The following SORBS2 variants were observed in gnomAD, a reference collection of about 807,000 sequenced individuals.
The protein encoded by SORBS2 is sorbin and SH3 domain containing 2.
Under a neutral mutation model 97.7 loss-of-function variants are expected in SORBS2, and 46 were observed. The ratio of observed to expected loss-of-function variants is 0.47; its 90% CI spans 0.37 to 0.60. The LOEUF is 0.60. Ranked by LOEUF, SORBS2 falls within the 20% of genes least tolerant of loss-of-function variation. The pLI is 0.00. For synonymous variants in SORBS2, 476 were observed against 473.4 expected (o/e 1.01, Z -0.07); for missense variants, 1,316 against 1,282.3 (o/e 1.03, Z -0.40).
intron 2 of SORBS2, among the ~76,000 whole-genome samples, chr4:185,714,432 T>C (rs1286442863): frequency 6.2e-5 from 8 of 128,596 alleles, no homozygotes; most frequent in Non-Finnish European, 1.2e-4. Flanking sequence ...TTTATATAAC[T>C]TCACTTAAAT....
intron 2 of SORBS2, among the ~76,000 whole-genome samples, chr4:185,727,992 G>C (rs151208903): frequency 2.2e-3 from 336 of 152,198 alleles, no homozygotes; most frequent in Non-Finnish European, 3.6e-3. Context: ...ACTATACATG[G>C]TCAATTTCTT....
chr4:185,932,046 ATATT>A (rs1049638017), intron 1 of SORBS2, among the ~76,000 whole-genome samples: 4 of 151,750 alleles, frequency 2.6e-5, no homozygotes, highest in Non-Finnish European at 4.4e-5. Flanking sequence ...ATACAGATAT[ATATT>A]TAGTGTGTGT....
At chr4:185,950,658 C>T (rs1207514734) in intron 1 of SORBS2, among the ~76,000 whole-genome samples, 1 of 152,202 alleles carries the variant, frequency 6.6e-6, no homozygotes, top group Non-Finnish European at 1.5e-5. Context: ...AGCCTTAACA[C>T]AAGACCAGGC....
intron 1 of SORBS2, among the ~76,000 whole-genome samples, chr4:185,838,234 C>CG (rs1466712081): frequency 6.6e-6 from 1 of 152,248 alleles, no homozygotes; most frequent in African/African-American, 2.4e-5. Flanking sequence ...CCCAGCTTCC[C>CG]GGCTGCAGTG....
In SORBS2 at chr4:185,900,054, T is replaced by C. The variant is rs902033381; in HGVS notation, c.-338+56142A>G. On this transcript the variant is annotated intron_variant, in intron 1 of 20. Coordinates refer to the SORBS2 transcript ENST00000284776. ...GATCTCTGAGCCCAGGAGTTTCAGA[T>C]TGTCGTGTGCTATGATCACACCTGT... Among the ~76,000 whole-genome samples the C allele has an allele frequency of 2.6e-5, 4 of 152,132 alleles. No homozygotes were observed. In the East Asian group the frequency reaches 5.8e-4, roughly 22 times the overall value.
chr4:185,839,219 A>G (rs1370720493), intron 1 of SORBS2, among the ~76,000 whole-genome samples: 2 of 152,238 alleles, frequency 1.3e-5, no homozygotes, highest in Non-Finnish European at 2.9e-5. Flanking sequence ...CAAATGGCAA[A>G]CACTCGGGGT....
chr4:185,669,324 G>A (rs979948637), intron 4 of SORBS2, among the ~76,000 whole-genome samples: 3 of 152,204 alleles, frequency 2.0e-5, no homozygotes, highest in Admixed American at 6.5e-5. Context: ...CCCTCAAGGC[G>A]GGCGTCATTG....
chr4:185,916,931 G>T (rs1176417995), intron 1 of SORBS2, among the ~76,000 whole-genome samples: 1 of 152,204 alleles, frequency 6.6e-6, no homozygotes, highest in East Asian at 1.9e-4. Flanking sequence ...TACAGGATGG[G>T]GCTGGGTACC....
intron 1 of SORBS2, among the ~76,000 whole-genome samples, chr4:185,917,273 C>T (rs1257438373): frequency 2.0e-5 from 3 of 152,188 alleles, no homozygotes; most frequent in Non-Finnish European, 4.4e-5. Flanking sequence ...GTTGCCCAGG[C>T]TGGAGTGCAG....
intron 1 of SORBS2, among the ~76,000 whole-genome samples, chr4:185,894,662 G>A (rs1157330225): frequency 6.6e-6 from 1 of 152,072 alleles, no homozygotes; most frequent in Non-Finnish European, 1.5e-5. Context: ...TATCTCTCTG[G>A]GGTCTGCTTT....
chr4:185,761,712 T>C (rs2098893837), intron 2 of SORBS2: 1 of 152,178 alleles, frequency 6.6e-6, no homozygotes, highest in South Asian at 2.1e-4. Context: ...GAAAAGGGTG[T>C]TTTGAGGTTA....
At chr4:185,636,385 G>A (rs182811591) in intron 4 of SORBS2, among the ~76,000 whole-genome samples, 43 of 152,208 alleles carry the variant, frequency 2.8e-4, no homozygotes, top group African/African-American at 9.9e-4. Flanking sequence ...GTCTAACCAA[G>A]TCTCCTTTGC....
chr4:185,630,622 C>A, intron 4 of SORBS2, 24 bp from the exon 17 acceptor site: 2 of 1,541,564 alleles, frequency 1.3e-6, no homozygotes, highest in African/African-American at 1.4e-5. Flanking sequence ...ATAATAGTAC[C>A]ATGAAAAATT....
At chr4:185,891,590 C>G (rs1293461135) in intron 1 of SORBS2, among the ~76,000 whole-genome samples, 1 of 152,158 alleles carries the variant, frequency 6.6e-6, no homozygotes, top group South Asian at 2.1e-4. Context: ...TTCTGACCAC[C>G]AATGGCTCCA....
intron 12 of SORBS2, among the ~76,000 whole-genome samples, chr4:185,599,624 G>T (rs1040837101): frequency 6.6e-6 from 1 of 152,208 alleles, no homozygotes. Flanking sequence ...CACTGTAGAT[G>T]CTTGGCAACA....
At chr4:185,877,842 C>T (rs1175166895) in intron 1 of SORBS2, among the ~76,000 whole-genome samples, 1 of 135,344 alleles carries the variant, frequency 7.4e-6, no homozygotes, top group Non-Finnish European at 1.5e-5. Flanking sequence ...TGCACTCCAG[C>T]CTGGGTGACA....
Position 185,620,226 on chromosome 4 carries a change from G to T in SORBS2, c.2216-75C>A. 1.5e-5 allele frequency: 14 copies of T among 955,292 alleles called. No homozygotes were observed. The South Asian group carries it at 1.8e-4, about 12-fold the overall frequency. 59.2% of individuals were successfully genotyped at this position (955,292 alleles called of 1,614,324 possible). ...GCCAACCTGTTCCGCCATTTTCCCT[G>T]GTGGCCACTACTTTTTTCCCCAAAT... On this transcript the variant is annotated intron_variant, in intron 7 of 14. Transcript: ENST00000418609.
At chr4:185,749,990 G>A (rs2098789673) in intron 2 of SORBS2, among the ~76,000 whole-genome samples, 1 of 152,214 alleles carries the variant, frequency 6.6e-6, no homozygotes, top group Non-Finnish European at 1.5e-5. Context: ...AACTCACTGG[G>A]GAAACAGTTA....
intron 2 of SORBS2, among the ~76,000 whole-genome samples, chr4:185,709,296 G>A (rs1246535904): frequency 1.7e-5 from 1 of 57,472 alleles, no homozygotes; most frequent in Non-Finnish European, 4.3e-5. Flanking sequence ...CCGCTGTGCT[G>A]GCCAAATCTT....
Sources: gnomAD v4.1 joint callset for allele counts (sites outside exome capture counted in the v4.1 genomes callset) on GRCh38, gnomAD v4.1.1 for gene constraint, MANE v1.5 for transcripts, NCBI Gene and HGNC (gene_info 2026-07-23, HGNC 2026-07-21) for gene names.